Variants in MDH1 observed in about 807,000 individuals in gnomAD.
The protein encoded by MDH1 is malate dehydrogenase, cytoplasmic.
MDH1 carries 15 observed loss-of-function variants against 38.7 expected under a neutral mutation model. The ratio of observed to expected loss-of-function variants is 0.39; its 90% CI spans 0.26 to 0.60. The LOEUF (loss-of-function observed/expected upper bound fraction) is 0.60. MDH1 is among the 20% of genes least tolerant of loss of function. The pLI, the probability that MDH1 is intolerant of heterozygous loss-of-function variation, is 0.56. For missense variants in MDH1, 368 were observed against 405.2 expected, an observed-to-expected ratio of 0.91 and a Z score of 0.79; for synonymous variants, 144 against 143.6, an observed-to-expected ratio of 1.00 and a Z score of -0.02.
At chr2:63,594,662 A>G (rs557928857) in intron 2 of MDH1, 76 bp downstream of exon 2, 23 of 1,040,738 alleles carry the variant, frequency 2.2e-5, no homozygotes, top group Non-Finnish European at 3.4e-5. Flanking sequence ...TTAGTTGTAC[A>G]CAAATTGTTA....
intron 5 of MDH1, among the ~76,000 whole-genome samples, chr2:63,604,137 A>C (rs1284796814): frequency 6.6e-6 from 1 of 152,218 alleles, no homozygotes. Context: ...TCTTTCCTTC[A>C]GTTTCCTGAT....
chr2:63,595,597 C>A, intron 3 of MDH1, 78 bp downstream of exon 3: 1 of 846,552 alleles, frequency 1.2e-6, no homozygotes, highest in South Asian at 1.5e-5. Context: ...TTGTTAAAGG[C>A]TCTCAATTAG....
At position 63,605,781 on chromosome 2, in the gene MDH1, G is replaced by A. The variant is rs574815961; in HGVS notation, c.790-158G>A. On this transcript the variant is annotated intron_variant, in intron 7 of 8. Transcript: ENST00000233114. The stretch of plus-strand genomic sequence containing the variant: ...GTGGAATGAAATAATATCCATGAAA[G>A]TTACCTTGTCACCAGTACCTGGTGC... 11 of 662,502 alleles carry A rather than the reference G, an allele frequency of 1.7e-5. No homozygotes were observed. The East Asian group carries it at 2.6e-4, about 16-fold the overall frequency. The allele number at this position is 662,502 out of a possible 1,614,324, so 41.0% of individuals were successfully genotyped here.
rs1357817152 is a variant in MDH1 at position 63,595,464 on chromosome 2, T to C, written c.144T>C (p.Gly48=). The C allele has an allele frequency of 1.2e-6, 2 of 1,613,516 alleles. No individual in the cohort carries two copies. Among genetic ancestry groups the C allele is most frequent in the African/African-American group, 2.7e-5 (2 of 74,930 alleles). Residue 48 remains glycine (G), a synonymous_variant, in exon 3 of 9, where the codon GGT becomes GGC. Coordinates refer to ENST00000233114, the MANE Select transcript of MDH1 (RefSeq NM_005917.4). ...TGTTGGATATCACCCCCATGATGGG[T>C]GTCCTGGACGGTGTCCTAATGGAAC... The part of the protein sequence containing the change: ...LVLLDITPMM[G]VLDGVLMELQ...
At chr2:63,606,457 A>G (rs993238255) in intron 8 of MDH1, among the ~76,000 whole-genome samples, 1 of 152,180 alleles carries the variant, frequency 6.6e-6, no homozygotes, top group African/African-American at 2.4e-5. Flanking sequence ...CTTTAAAACT[A>G]TATGTATTTC....
rs1203752432 is a variant in MDH1 at position 63,606,995 on chromosome 2, A to G, written c.*8A>G. 6.2e-7 allele frequency: 1 copy of G among 1,607,672 alleles called. No individual in the cohort carries two copies. Among genetic ancestry groups the G allele is most frequent in the Non-Finnish European group, 8.5e-7 (1 of 1,177,750 alleles). On this transcript the variant is annotated 3_prime_UTR_variant, in exon 9 of 9. Coordinates refer to ENST00000233114, the MANE Select transcript of MDH1 (RefSeq NM_005917.4). ...TTTCTTTCCTCTGCCTGACTAGACA[A>G]TGATGTTACTAAATGCTTCAAAGCT...
chr2:63,603,221 G>C (rs1182473109), intron 5 of MDH1, among the ~76,000 whole-genome samples: 1 of 152,114 alleles, frequency 6.6e-6, no homozygotes, highest in African/African-American at 2.4e-5. Context: ...CTCCCAAAGT[G>C]CTGGGATTAT....
chr2:63,593,389 T>C, intron 1 of MDH1: 6 of 365,550 alleles, frequency 1.6e-5, no homozygotes, highest in Non-Finnish European at 3.3e-5. Flanking sequence ...CCACCATCCC[T>C]GGCCTGACAC....
intron 5 of MDH1, among the ~76,000 whole-genome samples, chr2:63,603,655 CTTT>C (rs11297982): frequency 5.0e-5 from 5 of 99,106 alleles, no homozygotes; most frequent in Non-Finnish European, 9.6e-5. Context: ...CAAGACATTT[CTTT>C]TTTTTTTTTT....
chr2:63,599,031 C>A, intron 4 of MDH1, 139 bp from the exon 5 acceptor site: 2 of 590,734 alleles, frequency 3.4e-6, no homozygotes, highest in East Asian at 3.4e-5. Flanking sequence ...ATGCATTTTC[C>A]TATGCTATAT....
At chr2:63,604,393 G>A (rs367974119) in intron 5 of MDH1, among the ~76,000 whole-genome samples, 3 of 152,138 alleles carry the variant, frequency 2.0e-5, no homozygotes, top group African/African-American at 4.8e-5. Context: ...TAATAGTAAC[G>A]ATTAATGTTT....
intron 1 of MDH1, chr2:63,589,402 A>C: frequency 2.6e-6 from 4 of 1,549,180 alleles, no homozygotes; most frequent in Non-Finnish European, 2.6e-6. Flanking sequence ...ATGGGAGGGA[A>C]AGGTTGGGTC....
At chr2:63,601,666 C>T (rs569734243) in intron 5 of MDH1, among the ~76,000 whole-genome samples, 1 of 152,012 alleles carries the variant, frequency 6.6e-6, no homozygotes. Flanking sequence ...TGGATTAGCT[C>T]AAGAGATAGA....
chr2:63,589,751 T>C (rs1709126523), intron 1 of MDH1, among the ~76,000 whole-genome samples: 1 of 152,164 alleles, frequency 6.6e-6, no homozygotes. Context: ...CTGGGTAACC[T>C]GCATCTCCAT....
Position 63,599,133 on chromosome 2 carries a change from T to C in MDH1, c.376-37T>C, listed in dbSNP as rs1053520069. The C allele has an allele frequency of 1.9e-6, 3 of 1,603,424 alleles. No individual in the cohort carries two copies. In the African/African-American group the frequency reaches 4.0e-5, roughly 21 times the overall value. ...TAACATAGATTAGTTAGTAACTATA[T>C]AGTCTGTAACTCTTCAGTGCCTTCC... On this transcript the variant is annotated intron_variant, in intron 4 of 8. Transcript: ENST00000233114.
At chr2:63,600,799 C>A (rs986483010) in intron 5 of MDH1, among the ~76,000 whole-genome samples, 8 of 152,138 alleles carry the variant, frequency 5.3e-5, no homozygotes, top group Non-Finnish European at 1.2e-4. Context: ...GTTTGAATGG[C>A]AGGCAGTTTG....
At position 63,591,610 on chromosome 2, in the gene MDH1, A is replaced by C. The variant is rs563265739; in HGVS notation, c.3+2564A>C. 4.6e-5 allele frequency among the ~76,000 whole-genome samples: 7 copies of C among 152,324 alleles called. No individual in the cohort carries two copies. In the South Asian group the frequency reaches 1.4e-3, roughly 32 times the overall value. On this transcript the variant is annotated intron_variant, in intron 1 of 8. Coordinates refer to ENST00000233114, the MANE Select transcript of MDH1 (RefSeq NM_005917.4). ...CACTCTCTTCAGCCCCCCTTTTCTT[A>C]TCCTAGTTTGCTGTTCATTGAAGTA...
In MDH1 at chr2:63,602,934, C is replaced by CTTTTTTTTT. The variant is rs370479356; in HGVS notation, c.499-1727_499-1719dup. Reference sequence around the variant, plus strand: ...ACATAATACAGTTTATTTAACCGTTCTTTTTTTTTTTTTTTTTTTTTTTTT... The same window carrying CTTTTTTTTT: ...ACATAATACAGTTTATTTAACCGTTCTTTTTTTTTTTTTTTTTTTTTTTTTTTTTTTTTT... On this transcript the variant is annotated intron_variant, in intron 5 of 8. Coordinates refer to ENST00000233114, the MANE Select transcript of MDH1 (RefSeq NM_005917.4). Among the ~76,000 whole-genome samples, 142 of 131,560 alleles carry CTTTTTTTTT rather than the reference C, an allele frequency of 1.1e-3. 8 individuals carry two copies. Among genetic ancestry groups the CTTTTTTTTT allele is most frequent in the Middle Eastern group, 4.0e-3 (1 of 250 alleles). The allele number at this position is 131,560 out of a possible 152,430, so 86.3% of individuals were successfully genotyped here. A position where few individuals can be genotyped will look rare whatever the true frequency, so the allele number is the denominator to read the frequency against.
intron 1 of MDH1, chr2:63,589,360 T>C (rs1427921145): frequency 2.6e-6 from 4 of 1,550,626 alleles, no homozygotes; most frequent in Non-Finnish European, 3.5e-6. Context: ...CAAAGGACGT[T>C]ACGGTGTTTG....
Sources: gnomAD v4.1 joint callset for allele counts (sites outside exome capture counted in the v4.1 genomes callset) on GRCh38, gnomAD v4.1.1 for gene constraint, MANE v1.5 for transcripts, NCBI Gene and HGNC (gene_info 2026-07-23, HGNC 2026-07-21) for gene names.